The following ATOH8 variants were observed in gnomAD, a reference collection of about 807,000 sequenced individuals.
ATOH8 encodes the protein transcription factor ATOH8.
Under a neutral mutation model 21.2 loss-of-function variants are expected in ATOH8, and 9 were observed. That is an observed-to-expected ratio of 0.42 (90% CI 0.26 to 0.74). The LOEUF is 0.74. Among genes scored for constraint, ATOH8 ranks in the 30% least tolerant of loss-of-function variants. The pLI is 0.24. For synonymous variants in ATOH8, 253 were observed against 224.0 expected (o/e 1.13, Z -1.16); for missense variants, 524 against 470.9 (o/e 1.11, Z -1.04).
chr2:85,757,654 G>C (rs1382020104), intron 1 of ATOH8, among the ~76,000 whole-genome samples: 1 of 152,164 alleles, frequency 6.6e-6, no homozygotes, highest in African/African-American at 2.4e-5. Flanking sequence ...CTGTGGACAA[G>C]TCACTGACCC....
Position 85,754,247 on chromosome 2 carries a change from C to A in ATOH8, c.58C>A (p.Leu20Met), listed in dbSNP as rs1339360477. 6.2e-7 allele frequency: 1 copy of A among 1,609,234 alleles called. No homozygotes were observed. Among genetic ancestry groups the A allele is most frequent in the Admixed American group, 1.7e-5 (1 of 59,900 alleles). Residue 20 changes from leucine (L) to methionine (M), a missense_variant, in exon 1 of 3, where the codon CTG (leucine) becomes ATG (methionine). By Grantham distance (15) the Leu-to-Met change is conservative. Coordinates refer to ENST00000306279, the MANE Select transcript of ATOH8 (RefSeq NM_032827.7). Reference sequence around the variant, plus strand: ...GTGGAAGACCGTGTGCGTGAAGGAGCTGAACGGCCTTAAGAAGCTCAAGCG... The same window carrying A: ...GTGGAAGACCGTGTGCGTGAAGGAGATGAACGGCCTTAAGAAGCTCAAGCG... ...GPWKTVCVKE[L>M]NGLKKLKRKG...
Position 85,788,257 on chromosome 2 carries a change from A to G in ATOH8, c.*1367A>G, listed in dbSNP as rs1432935373. ...GGTTCCCACAGTAGTCTCAGCCTGG[A>G]CTAGTGACCAGGAGGCCTGGTCAGG... On this transcript the variant is annotated 3_prime_UTR_variant, in exon 3 of 3. Coordinates refer to ENST00000306279, the MANE Select transcript of ATOH8 (RefSeq NM_032827.7). 1.3e-5 allele frequency among the ~76,000 whole-genome samples: 2 copies of G among 151,932 alleles called. No homozygotes were observed. The highest frequency in any genetic ancestry group is 1.3e-4 in the Admixed American group (2 of 15,266).
In ATOH8 at chr2:85,788,776, G is replaced by GC. The variant is rs1260903047; in HGVS notation, c.*1892dup. On this transcript the variant is annotated 3_prime_UTR_variant, in exon 3 of 3. Coordinates refer to ENST00000306279, the MANE Select transcript of ATOH8 (RefSeq NM_032827.7). ...GCTGGGCTGGGGCTGGCTGCAGGGA[G>GC]CCCCCCTTGCAGTAGCGTTTCTCAG... Among the ~76,000 whole-genome samples, 2 of 152,172 alleles carry GC rather than the reference G, an allele frequency of 1.3e-5. No homozygotes were observed. Among genetic ancestry groups the GC allele is most frequent in the Admixed American group, 6.5e-5 (1 of 15,284 alleles).
chr2:85,754,059 C>T lies in ATOH8; in HGVS notation c.-131C>T. ...TCCCGAAGCCGGCGGCGCAGCTGCC[C>T]GGGGCGAGGGGGAGAAAGGGAGAGA... On this transcript the variant is annotated 5_prime_UTR_variant, in exon 1 of 3. Transcript: ENST00000306279. 8.9e-7 allele frequency: 1 copy of T among 1,125,796 alleles called. No individual in the cohort carries two copies. The highest frequency in any genetic ancestry group is 1.1e-6 in the Non-Finnish European group (1 of 879,850). The allele number at this position is 1,125,796 out of a possible 1,614,324, so 69.7% of individuals were successfully genotyped here.
At chr2:85,770,357 C>T (rs1680147165) in intron 2 of ATOH8, among the ~76,000 whole-genome samples, 1 of 152,052 alleles carries the variant, frequency 6.6e-6, no homozygotes, top group South Asian at 2.1e-4. Flanking sequence ...GTTGGTGGCT[C>T]ACATATCCAA....
chr2:85,768,067 G>A (rs1680070464), intron 2 of ATOH8, among the ~76,000 whole-genome samples: 1 of 151,978 alleles, frequency 6.6e-6, no homozygotes, highest in Non-Finnish European at 1.5e-5. Flanking sequence ...CGTGGGCCCA[G>A]TTTGAGTCTG....
chr2:85,771,124 C>T (rs1680169787), intron 2 of ATOH8, among the ~76,000 whole-genome samples: 1 of 152,138 alleles, frequency 6.6e-6, no homozygotes, highest in Admixed American at 6.5e-5. Flanking sequence ...CGCTGTGGTT[C>T]TTTCTGGTGC....
rs1337456371 is a variant in ATOH8 at position 85,788,488 on chromosome 2, C to T, written c.*1598C>T. On this transcript the variant is annotated 3_prime_UTR_variant, in exon 3 of 3. Transcript: ENST00000306279. ...TCTCAAACCTTTTCCAGCCCCATCA[C>T]CAGTCCCAGCCCAAAGTCTCTTGTG... Among the ~76,000 whole-genome samples, 1 of 152,184 alleles carries T rather than the reference C, an allele frequency of 6.6e-6. No homozygotes were observed. Among genetic ancestry groups the T allele is most frequent in the Admixed American group, 6.5e-5 (1 of 15,284 alleles).
rs1680659478 is a variant in ATOH8 at position 85,787,708 on chromosome 2, ACC to A, written c.*822_*823del. 6.5e-6 allele frequency: 1 copy of A among 152,742 alleles called. No individual in the cohort carries two copies. The allele number at this position is 152,742 out of a possible 1,614,324, so 9.5% of individuals were successfully genotyped here. A position where few individuals can be genotyped will look rare whatever the true frequency, so the allele number is the denominator to read the frequency against. ...AGCCAGCCTCTCCTCACTGTGACCCACCCCCATGGGCCCCCGTCCCAGGCAGC... is the reference window on the plus strand; with the variant it reads ...AGCCAGCCTCTCCTCACTGTGACCCACCCATGGGCCCCCGTCCCAGGCAGC... On this transcript the variant is annotated 3_prime_UTR_variant, in exon 3 of 3. Coordinates refer to ENST00000306279, the MANE Select transcript of ATOH8 (RefSeq NM_032827.7).
rs557284411 is a variant in ATOH8, at chr2:85,758,817, C to T, written c.768+3860C>T. ...GTGAAGGCCATGTGTGCACAGCTGG[C>T]CTGGCCCCGGGAGTGGGGCTGCTCC... On this transcript the variant is annotated intron_variant, in intron 1 of 2. Transcript: ENST00000306279. Among the ~76,000 whole-genome samples, 12 of 152,340 alleles carry T rather than the reference C, an allele frequency of 7.9e-5. No individual in the cohort carries two copies. In the East Asian group the frequency reaches 2.3e-3, roughly 29 times the overall value.
In ATOH8 at chr2:85,754,674, G is replaced by T. The variant is rs75293225; in HGVS notation, c.485G>T (p.Arg162Leu). The change falls in exon 1 of 3, where the codon CGC becomes CTC. Residue 162 changes from arginine (R) to leucine (L), a missense_variant. Arg to Leu is a moderately radical substitution (Grantham distance 102). Coordinates refer to ENST00000306279, the MANE Select transcript of ATOH8 (RefSeq NM_032827.7). ...PRILLCAPPARPAPSAPPAPP... is the reference protein window; with the variant it reads ...PRILLCAPPALPAPSAPPAPP... ...ATCTTGCTGTGCGCACCGCCCGCGC[G>T]CCCCGCGCCGTCAGCACCCCCAGCA... 5.1e-6 allele frequency: 8 copies of T among 1,560,992 alleles called. No individual in the cohort carries two copies. Among genetic ancestry groups the T allele is most frequent in the South Asian group, 1.2e-5 (1 of 85,736 alleles).
intron 2 of ATOH8, chr2:85,775,304 C>T (rs1573533812): frequency 1.0e-6 from 1 of 985,042 alleles, no homozygotes; most frequent in South Asian, 4.7e-5. Flanking sequence ...AAAATCCACA[C>T]TGCTAGGGCT....
chr2:85,761,933 A>C (rs189652564), intron 1 of ATOH8, among the ~76,000 whole-genome samples: 1 of 152,088 alleles, frequency 6.6e-6, no homozygotes, highest in Non-Finnish European at 1.5e-5. Context: ...GGGGTGAGGG[A>C]TGGAAATGCA....
At chr2:85,763,894 G>A in intron 1 of ATOH8, 97 bp from the exon 2 acceptor site, 1 of 1,112,948 alleles carries the variant, frequency 9.0e-7, no homozygotes, top group Non-Finnish European at 1.3e-6. Flanking sequence ...TAAGATTAGG[G>A]TGGAGGGCTC....
Position 85,787,018 on chromosome 2 carries a change from CCT to C in ATOH8, c.*132_*133del. On this transcript the variant is annotated 3_prime_UTR_variant, in exon 3 of 3. Coordinates refer to ENST00000306279, the MANE Select transcript of ATOH8 (RefSeq NM_032827.7). ...ATGCCGCCAGATGCCCAGCCTACAGCCTCTCAGGGTCGGATCGGAGCACGCCT... is the reference window on the plus strand; with the variant it reads ...ATGCCGCCAGATGCCCAGCCTACAGCCTCAGGGTCGGATCGGAGCACGCCT... 7.8e-7 allele frequency: 1 copy of C among 1,286,440 alleles called. No homozygotes were observed. The highest frequency in any genetic ancestry group is 1.1e-6 in the Non-Finnish European group (1 of 908,770). The allele number at this position is 1,286,440 out of a possible 1,614,324, so 79.7% of individuals were successfully genotyped here. A position where few individuals can be genotyped will look rare whatever the true frequency, so the allele number is the denominator to read the frequency against.
Position 85,772,943 on chromosome 2 carries a change from G to T in ATOH8, c.960+8761G>T, listed in dbSNP as rs759224191. The T allele has an allele frequency of 1.2e-5, 5 of 404,752 alleles. No individual in the cohort carries two copies. The East Asian group carries it at 3.6e-4, about 29-fold the overall frequency. The allele number at this position is 404,752 out of a possible 1,614,324, so 25.1% of individuals were successfully genotyped here. A position where few individuals can be genotyped will look rare whatever the true frequency, so the allele number is the denominator to read the frequency against. Reference sequence around the variant, plus strand: ...CACTGCGGAACTTTTCTTTCTCAAGGCTGTTGTCACTGGGGATGGTTGAAA... The same window carrying T: ...CACTGCGGAACTTTTCTTTCTCAAGTCTGTTGTCACTGGGGATGGTTGAAA... On this transcript the variant is annotated intron_variant, in intron 2 of 2. Transcript: ENST00000306279.
Position 85,781,719 on chromosome 2 carries a change from T to TA in ATOH8, c.961-5157dup, listed in dbSNP as rs903916407. Among the ~76,000 whole-genome samples the TA allele has an allele frequency of 6.1e-4, 91 of 149,952 alleles. 1 individual carries two copies. The highest frequency in any genetic ancestry group is 1.9e-3 in the African/African-American group (76 of 40,778). On this transcript the variant is annotated intron_variant, in intron 2 of 2. Coordinates refer to ENST00000306279, the MANE Select transcript of ATOH8 (RefSeq NM_032827.7). ...AGTGAGACTCCGTCTCTACAAAAGA[T>TA]AAAAAAAAACTAGCCAGGTGTGGTG...
intron 2 of ATOH8, among the ~76,000 whole-genome samples, chr2:85,767,580 T>TCCTCCCCTCC (rs1558611965): frequency 3.8e-5 from 3 of 79,290 alleles, no homozygotes; most frequent in African/African-American, 5.2e-5. Flanking sequence ...CCCTCCCCTC[T>TCCTCCCCTCC]CCTTCCCTTC....
rs777122699 is a variant in ATOH8, at chr2:85,754,268, A to C, written c.79A>C (p.Lys27Gln). Reference protein sequence around the residue: ...VKELNGLKKLKRKGKEPARRA... With the variant: ...VKELNGLKKLQRKGKEPARRA... ...GGAGCTGAACGGCCTTAAGAAGCTCAAGCGGAAAGGCAAGGAGCCGGCGCG... is the reference window on the plus strand; with the variant it reads ...GGAGCTGAACGGCCTTAAGAAGCTCCAGCGGAAAGGCAAGGAGCCGGCGCG... Residue 27 changes from lysine to glutamine, a missense_variant, in exon 1 of 3, where the codon AAG becomes CAG. Physicochemically the swap from Lys to Gln is moderately conservative, Grantham distance 53 (BLOSUM62 1). Coordinates refer to ENST00000306279, the MANE Select transcript of ATOH8 (RefSeq NM_032827.7). 18 of 1,610,022 alleles carry C rather than the reference A, an allele frequency of 1.1e-5. No individual in the cohort carries two copies. Among genetic ancestry groups the C allele is most frequent in the Non-Finnish European group, 1.4e-5 (17 of 1,178,902 alleles).
Sources: gnomAD v4.1 joint callset for allele counts (sites outside exome capture counted in the v4.1 genomes callset) on GRCh38, gnomAD v4.1.1 for gene constraint, MANE v1.5 for transcripts, NCBI Gene and HGNC (gene_info 2026-07-23, HGNC 2026-07-21) for gene names.